Variants in CDS2 observed in about 807,000 individuals in gnomAD.
CDS2 encodes CDP-diacylglycerol synthase 2.
Under a neutral mutation model 59.0 loss-of-function variants are expected in CDS2, and 47 were observed. That is an observed-to-expected ratio of 0.80 (90% CI 0.63 to 1.02). The LOEUF (loss-of-function observed/expected upper bound fraction) is 1.02, where lower values mean the gene tolerates loss of function less well. Among genes scored for constraint, CDS2 ranks in the 50% least tolerant of loss-of-function variants. The pLI, the probability that CDS2 is intolerant of heterozygous loss-of-function variation, is 0.00. For synonymous variants in CDS2, 207 were observed against 206.4 expected (o/e 1.00, Z -0.02); for missense variants, 356 against 558.9 (o/e 0.64, Z 3.66).
At position 5,181,331 on chromosome 20, in the gene CDS2, T is replaced by C. The variant is rs1264002700; in HGVS notation, c.530-1056T>C. On this transcript the variant is annotated intron_variant, in intron 5 of 12. Transcript: ENST00000460006. ...CAATCAGTGCTGCAGTCTATTTCCTTTGGGTTGGGGGTCTCCTCAGTATTG... is the reference window on the plus strand; with the variant it reads ...CAATCAGTGCTGCAGTCTATTTCCTCTGGGTTGGGGGTCTCCTCAGTATTG... Among the ~76,000 whole-genome samples, 496 of 152,180 alleles carry C rather than the reference T, an allele frequency of 3.3e-3. 5 individuals carry two copies. Among genetic ancestry groups the C allele is most frequent in the African/African-American group, 0.012 (482 of 41,532 alleles).
Position 5,162,270 on chromosome 20 carries a change from G to A in CDS2, c.58-11253G>A, listed in dbSNP as rs146558347. ...GTGATGCTCAAAGGAAATGCTCATT[G>A]GAGCATTTTGAATTTAGGATTTTCT... On this transcript the variant is annotated intron_variant, in intron 1 of 12. Coordinates refer to ENST00000460006, the MANE Select transcript of CDS2 (RefSeq NM_003818.4). 5.7e-3 allele frequency among the ~76,000 whole-genome samples: 863 copies of A among 152,278 alleles called. 13 individuals are homozygous for A. Among genetic ancestry groups the A allele is most frequent in the African/African-American group, 0.02 (813 of 41,558 alleles).
intron 1 of CDS2, among the ~76,000 whole-genome samples, chr20:5,156,314 T>C (rs1399816291): frequency 6.6e-6 from 1 of 152,052 alleles, no homozygotes; most frequent in Non-Finnish European, 1.5e-5. Flanking sequence ...TCAGGGAGAT[T>C]AGGGTCTTGA....
chr20:5,137,454 G>T (rs1274718770), intron 1 of CDS2, among the ~76,000 whole-genome samples: 1 of 151,694 alleles, frequency 6.6e-6, no homozygotes, highest in Non-Finnish European at 1.5e-5. Context: ...TGTTAGCCAG[G>T]CTGGTGTCGA....
intron 2 of CDS2, among the ~76,000 whole-genome samples, chr20:5,174,596 G>A (rs1354347398): frequency 6.6e-6 from 1 of 151,996 alleles, no homozygotes; most frequent in East Asian, 1.9e-4. Flanking sequence ...GTGGTGGCAG[G>A]CGCCTGTAGT....
At chr20:5,135,114 T>C (rs947011797) in intron 1 of CDS2, among the ~76,000 whole-genome samples, 2 of 152,112 alleles carry the variant, frequency 1.3e-5, no homozygotes, top group Non-Finnish European at 2.9e-5. Flanking sequence ...TACATACTTA[T>C]TTTATAATAG....
At chr20:5,154,611 G>A (rs2090818587) in intron 1 of CDS2, among the ~76,000 whole-genome samples, 2 of 152,198 alleles carry the variant, frequency 1.3e-5, no homozygotes, top group African/African-American at 4.8e-5. Context: ...CCAGTGTGCT[G>A]TCCAGTTGGC....
chr20:5,168,540 A>G, intron 1 of CDS2: 1 of 505,076 alleles, frequency 2.0e-6, no homozygotes, highest in Non-Finnish European at 3.9e-6. Flanking sequence ...GCACAGCCAC[A>G]CTTTTTTGGG....
intron 1 of CDS2, among the ~76,000 whole-genome samples, 161 bp from the exon 2 acceptor site, chr20:5,173,362 C>A (rs1026781970): frequency 1.3e-5 from 2 of 152,248 alleles, no homozygotes; most frequent in Admixed American, 6.5e-5. Context: ...ACAACAGTGT[C>A]AGGATTGCTG....
In CDS2 at chr20:5,196,446, G is replaced by A. The variant is rs1027304327; in HGVS notation, c.*6212G>A. ...GCAGTGGTCTCCCGGGCATTGGGCA[G>A]GGCCTAGCCTTTTGCAGCCCCCAGA... On this transcript the variant is annotated 3_prime_UTR_variant, in exon 13 of 13. Transcript: ENST00000460006. 1 of 152,218 alleles carries A rather than the reference G, an allele frequency of 6.6e-6. No homozygotes were observed. The highest frequency in any genetic ancestry group is 1.5e-5 in the Non-Finnish European group (1 of 68,060). 9.4% of individuals were successfully genotyped at this position (152,218 alleles called of 1,614,324 possible).
chr20:5,166,168 G>A (rs957986876), intron 1 of CDS2, among the ~76,000 whole-genome samples: 2 of 152,166 alleles, frequency 1.3e-5, no homozygotes, highest in Admixed American at 6.5e-5. Flanking sequence ...CAGGAGGGAT[G>A]ATGTTGGCTT....
intron 1 of CDS2, among the ~76,000 whole-genome samples, chr20:5,138,176 T>TC (rs2090663977): frequency 6.6e-6 from 1 of 151,404 alleles, no homozygotes; most frequent in East Asian, 1.9e-4. Flanking sequence ...GGTCTCGAAC[T>TC]CCTGGCCTCA....
chr20:5,143,107 G>A (rs1000426008), intron 1 of CDS2, among the ~76,000 whole-genome samples: 7 of 152,004 alleles, frequency 4.6e-5, no homozygotes, highest in African/African-American at 1.7e-4. Context: ...GCCTCCCACA[G>A]TGCTGGTATT....
intron 1 of CDS2, among the ~76,000 whole-genome samples, chr20:5,146,464 G>A (rs192813686): frequency 2.8e-4 from 43 of 152,288 alleles, no homozygotes; most frequent in African/African-American, 1.0e-3. Context: ...GGAGGGTGTT[G>A]AGTAGCGTAA....
chr20:5,175,011 C>T (rs946656544), intron 2 of CDS2, among the ~76,000 whole-genome samples, 172 bp from the exon 3 acceptor site: 1 of 152,128 alleles, frequency 6.6e-6, no homozygotes, highest in African/African-American at 2.4e-5. Context: ...GGCATTGGTA[C>T]TAGTGGTCCT....
chr20:5,147,572 CTTCT>C (rs1417055199), intron 1 of CDS2, among the ~76,000 whole-genome samples: 4 of 152,060 alleles, frequency 2.6e-5, no homozygotes, highest in African/African-American at 4.8e-5. Flanking sequence ...TCCAGGCCCA[CTTCT>C]TTCTTTTTAT....
intron 1 of CDS2, among the ~76,000 whole-genome samples, chr20:5,156,295 G>A (rs899162946): frequency 6.6e-6 from 1 of 152,148 alleles, no homozygotes; most frequent in African/African-American, 2.4e-5. Flanking sequence ...GTTTTCCATG[G>A]GGCACATTTC....
At chr20:5,153,270 T>C (rs888266465) in intron 1 of CDS2, among the ~76,000 whole-genome samples, 2 of 152,246 alleles carry the variant, frequency 1.3e-5, no homozygotes, top group African/African-American at 4.8e-5. Flanking sequence ...ACACTTTTTA[T>C]TAAAGTATAA....
In CDS2 at chr20:5,196,701, T is replaced by C. The variant is rs537745997; in HGVS notation, c.*6467T>C. On this transcript the variant is annotated 3_prime_UTR_variant, in exon 13 of 13. Transcript: ENST00000460006. ...AGCAGGCAGAATGTGCATACATGTTTTCATGAGTGTCCTTTGGGTGCTGTT... is the reference window on the plus strand; with the variant it reads ...AGCAGGCAGAATGTGCATACATGTTCTCATGAGTGTCCTTTGGGTGCTGTT... 6.6e-6 allele frequency: 1 copy of C among 152,362 alleles called. No individual in the cohort carries two copies. The highest frequency in any genetic ancestry group is 1.9e-4 in the East Asian group (1 of 5,194). The allele number at this position is 152,362 out of a possible 1,614,324, so 9.4% of individuals were successfully genotyped here. A position where few individuals can be genotyped will look rare whatever the true frequency, so the allele number is the denominator to read the frequency against.
In CDS2 at chr20:5,152,802, G is replaced by A. The variant is rs188039489; in HGVS notation, c.58-20721G>A. Among the ~76,000 whole-genome samples, 73 of 152,256 alleles carry A rather than the reference G, an allele frequency of 4.8e-4. No individual in the cohort carries two copies. The Middle Eastern group carries it at 0.017, about 35-fold the overall frequency. ...AGGCAGAAACTTTGCTTTATTGATT[G>A]GTTTTCTTCCTCCTCTTGAGGATTA... On this transcript the variant is annotated intron_variant, in intron 1 of 12. Coordinates refer to ENST00000460006, the MANE Select transcript of CDS2 (RefSeq NM_003818.4).
Sources: gnomAD v4.1 joint callset for allele counts (sites outside exome capture counted in the v4.1 genomes callset) on GRCh38, gnomAD v4.1.1 for gene constraint, MANE v1.5 for transcripts, NCBI Gene and HGNC (gene_info 2026-07-23, HGNC 2026-07-21) for gene names.